Variants in LPA observed in about 807,000 individuals in gnomAD.
LPA encodes the protein apolipoprotein(a).
Under a neutral mutation model 197.9 loss-of-function variants are expected in LPA, and 199 were observed. That is an observed-to-expected ratio of 1.01 (90% CI 0.90 to 1.13). The LOEUF (loss-of-function observed/expected upper bound fraction) is 1.13, where lower values mean the gene tolerates loss of function less well. Among genes scored for constraint, LPA ranks in the 50% most tolerant of loss-of-function variants. LPA has a pLI of 0.00. For synonymous variants in LPA, 715 were observed against 639.5 expected (o/e 1.12, Z -1.78); for missense variants, 1,853 against 1,785.8 (o/e 1.04, Z -0.68).
intron 30 of LPA, among the ~76,000 whole-genome samples, chr6:160,549,287 A>G (rs186530086): frequency 7.9e-5 from 12 of 152,360 alleles, no homozygotes; most frequent in African/African-American, 2.4e-4. Context: ...AATGCTCCAT[A>G]TAAAAACTGA....
intron 22 of LPA, among the ~76,000 whole-genome samples, chr6:160,591,691 A>T (rs1779033096): frequency 6.6e-6 from 1 of 151,960 alleles, no homozygotes; most frequent in African/African-American, 2.4e-5. Context: ...TGATGGTTGT[A>T]CTCCCTCCTT....
chr6:160,532,061 A>G (rs945045894), intron 38 of LPA, among the ~76,000 whole-genome samples, 171 bp from the exon 39 acceptor site: 2 of 152,216 alleles, frequency 1.3e-5, no homozygotes, highest in Admixed American at 6.5e-5. Context: ...AGCAAAGTCT[A>G]TTCAACAAAA....
At position 160,610,483 on chromosome 6, in the gene LPA, T is replaced by G. The variant is rs546252165; in HGVS notation, c.2603+1079A>C. 4.6e-5 allele frequency among the ~76,000 whole-genome samples: 7 copies of G among 152,302 alleles called. No individual in the cohort carries two copies. The East Asian group carries it at 9.6e-4, about 21-fold the overall frequency. The stretch of plus-strand genomic sequence containing the variant: ...AGAACTCCAATAACACAGAGTGCTA[T>G]GTGATCTCTATCTTCTTAATTGAGC... On this transcript the variant is annotated intron_variant, in intron 16 of 38. Transcript: ENST00000316300.
rs121912503 is a variant in LPA at position 160,650,438 on chromosome 6, G to A, written c.109C>T (p.Arg37Ter). 68 of 1,613,688 alleles carry A rather than the reference G, an allele frequency of 4.2e-5. 1 individual carries two copies. The highest frequency in any genetic ancestry group is 5.5e-5 in the South Asian group (5 of 91,086). ...GTGACAGTGGTGGAGTACGTGCCTC[G>A]ATAACTCTGTCCATCACCATGGTAG... ...DCYHGDGQSY[R>*]GTYSTTVTGR... Residue 37 changes from arginine (R) to a stop codon, truncating the protein, a stop_gained, in exon 2 of 39, where the codon CGA becomes TGA. Transcript: ENST00000316300. LOFTEE classifies it high-confidence loss of function.
intron 30 of LPA, among the ~76,000 whole-genome samples, chr6:160,551,116 G>C (rs575791101): frequency 6.6e-6 from 1 of 152,308 alleles, no homozygotes; most frequent in African/African-American, 2.4e-5. Context: ...GAAACTATCA[G>C]ACTGATTTCA....
At chr6:160,546,432 G>T (rs1234475664) in intron 32 of LPA, among the ~76,000 whole-genome samples, 1 of 152,144 alleles carries the variant, frequency 6.6e-6, no homozygotes, top group Non-Finnish European at 1.5e-5. Flanking sequence ...CCACCTGGCT[G>T]TTCACCAGGA....
At chr6:160,578,844 A>G in intron 26 of LPA, 140 bp from the exon 27 acceptor site, 1 of 1,263,178 alleles carries the variant, frequency 7.9e-7, no homozygotes, top group Non-Finnish European at 1.1e-6. Flanking sequence ...TATTGCCACA[A>G]GCACAAATGG....
At chr6:160,611,492 G>C (rs1246098580) in intron 16 of LPA, 70 bp downstream of exon 16, 2 of 1,591,414 alleles carry the variant, frequency 1.3e-6, no homozygotes, top group South Asian at 1.1e-5. Context: ...AACTCAGCTT[G>C]AAGCATGTCT....
At chr6:160,655,226 A>G (rs769760557) in intron 1 of LPA, among the ~76,000 whole-genome samples, 16 of 152,334 alleles carry the variant, frequency 1.1e-4, no homozygotes, top group Non-Finnish European at 2.4e-4. Context: ...ATAACAGACC[A>G]ATAGCTGTCT....
intron 32 of LPA, among the ~76,000 whole-genome samples, chr6:160,546,625 C>A (rs1375535899): frequency 6.6e-6 from 1 of 152,142 alleles, no homozygotes; most frequent in Non-Finnish European, 1.5e-5. Context: ...TGCAGTGGGG[C>A]AGTCTTGTAG....
At chr6:160,563,345 AG>A (rs1186875665) in intron 28 of LPA, among the ~76,000 whole-genome samples, 1 of 152,200 alleles carries the variant, frequency 6.6e-6, no homozygotes, top group African/African-American at 2.4e-5. Flanking sequence ...ATTCAGGAGC[AG>A]GTTGTTCAGT....
intron 28 of LPA, among the ~76,000 whole-genome samples, chr6:160,563,145 T>C (rs542195805): frequency 2.0e-5 from 3 of 152,340 alleles, no homozygotes; most frequent in South Asian, 4.2e-4. Context: ...TCTGGTTCTT[T>C]GAATTGTGAT....
At chr6:160,602,632 C>T (rs1779266657) in intron 18 of LPA, among the ~76,000 whole-genome samples, 1 of 152,172 alleles carries the variant, frequency 6.6e-6, no homozygotes, top group Admixed American at 6.6e-5. Context: ...CTTCTTCTAG[C>T]TAATTTTCTT....
intron 2 of LPA, among the ~76,000 whole-genome samples, chr6:160,649,532 G>GT (rs1010066096): frequency 7.2e-5 from 11 of 151,992 alleles, no homozygotes; most frequent in Non-Finnish European, 1.6e-4. Flanking sequence ...GATGGCTACA[G>GT]TTTTTTTTGG....
intron 36 of LPA, 105 bp downstream of exon 36, chr6:160,539,938 A>G (rs1777954036): frequency 6.7e-7 from 1 of 1,502,636 alleles, no homozygotes; most frequent in Non-Finnish European, 9.3e-7. Context: ...TTCATGTGAT[A>G]GACAGTTCCT....
Position 160,532,534 on chromosome 6 carries a change from G to T in LPA, c.5958C>A (p.Cys1986Ter). The part of the protein sequence containing the change: ...AEHLARGTDS[C>*]QGDSGGPLVC... ...TGATCTATTGATCTTTTCTTACCTG[G>T]CAACTGTCAGTGCCTCTGGCCAAAT... The change falls in exon 38 of 39, where the codon TGC (cysteine) becomes TGA (stop). Residue 1986 changes from cysteine to a stop codon, truncating the protein, a stop_gained. Coordinates refer to ENST00000316300, the MANE Select transcript of LPA (RefSeq NM_005577.4). LOFTEE classifies it high-confidence loss of function. 1 of 1,586,516 alleles carries T rather than the reference G, an allele frequency of 6.3e-7. No individual in the cohort carries two copies. The highest frequency in any genetic ancestry group is 8.7e-7 in the Non-Finnish European group (1 of 1,155,044).
chr6:160,585,006 T>A, intron 26 of LPA, 40 bp downstream of exon 26: 1 of 1,608,302 alleles, frequency 6.2e-7, no homozygotes, highest in Non-Finnish European at 8.5e-7. Flanking sequence ...GAAATTTTAG[T>A]TGACTATTGT....
At chr6:160,659,051 G>A (rs934905586) in intron 1 of LPA, among the ~76,000 whole-genome samples, 1 of 152,098 alleles carries the variant, frequency 6.6e-6, no homozygotes, top group African/African-American at 2.4e-5. Context: ...GCAATCTGAG[G>A]AGCAAGGAAG....
At chr6:160,555,238 AATTATATTATATTATATTATATTAT>A (rs533211549) in intron 30 of LPA, among the ~76,000 whole-genome samples, 9 of 119,950 alleles carry the variant, frequency 7.5e-5, no homozygotes, top group East Asian at 2.4e-4. Flanking sequence ...TATATATATT[AATTATATTATATTATATTATATTAT>A]ATTATATTAT....
Sources: gnomAD v4.1 joint callset for allele counts (sites outside exome capture counted in the v4.1 genomes callset) on GRCh38, gnomAD v4.1.1 for gene constraint, MANE v1.5 for transcripts, NCBI Gene and HGNC (gene_info 2026-07-23, HGNC 2026-07-21) for gene names.